The following AVEN variants were observed in gnomAD, a reference collection of about 807,000 sequenced individuals.
AVEN encodes the protein apoptosis and caspase activation inhibitor.
AVEN carries 41 observed loss-of-function variants against 38.1 expected under a neutral mutation model. The ratio of observed to expected loss-of-function variants is 1.08; its 90% CI spans 0.84 to 1.40. AVEN has a LOEUF of 1.40. AVEN is among the 40% of genes most tolerant of loss of function. The probability of loss-of-function intolerance (pLI) is 0.00; values close to 1 mark genes in which losing one functional copy is unlikely to be tolerated. For missense variants in AVEN, 605 were observed against 438.8 expected (o/e 1.38, Z -3.38); for synonymous variants, 206 against 171.8 (o/e 1.20, Z -1.56).
At chr15:33,940,119 G>C (rs1027648584) in intron 2 of AVEN, among the ~76,000 whole-genome samples, 1 of 152,164 alleles carries the variant, frequency 6.6e-6, no homozygotes, top group African/African-American at 2.4e-5. Context: ...GCAGAATTAT[G>C]AGAAATAAAT....
rs141410728 is a variant in AVEN, at chr15:33,876,102, C to T, written c.446-107G>A. Reference sequence around the variant, plus strand: ...GTGCCATTTCTGAAGTGCTCAAACTCAAAGGGAGAGGCAAGGATAAAACTG... The same window carrying T: ...GTGCCATTTCTGAAGTGCTCAAACTTAAAGGGAGAGGCAAGGATAAAACTG... On this transcript the variant is annotated intron_variant, in intron 2 of 5. Transcript: ENST00000306730. 79 of 976,666 alleles carry T rather than the reference C, an allele frequency of 8.1e-5. No individual in the cohort carries two copies. The African/African-American group carries it at 1.1e-3, about 14-fold the overall frequency. 60.5% of individuals were successfully genotyped at this position (976,666 alleles called of 1,614,324 possible).
chr15:33,991,316 A>T (rs959532440), intron 2 of AVEN: 8 of 152,342 alleles, frequency 5.3e-5, no homozygotes, highest in Admixed American at 2.0e-4. Context: ...GAAGCAAAAC[A>T]AAGTATAAAC....
In AVEN at chr15:33,918,127, T is replaced by A. The variant is rs150985691; in HGVS notation, c.446-42132A>T. On this transcript the variant is annotated intron_variant, in intron 2 of 5. Coordinates refer to ENST00000306730, the MANE Select transcript of AVEN (RefSeq NM_020371.3). ...TTTTATTTTGTTTCATAATGAAATATGCAACAAAGACAAAAATAAGTTGTT... is the reference window on the plus strand; with the variant it reads ...TTTTATTTTGTTTCATAATGAAATAAGCAACAAAGACAAAAATAAGTTGTT... Among the ~76,000 whole-genome samples the A allele has an allele frequency of 1.9e-3, 288 of 152,282 alleles. 3 individuals carry two copies. The highest frequency in any genetic ancestry group is 0.011 in the East Asian group (56 of 5,186).
chr15:34,009,238 C>T (rs1897527674), intron 1 of AVEN, among the ~76,000 whole-genome samples: 1 of 152,022 alleles, frequency 6.6e-6, no homozygotes, highest in Non-Finnish European at 1.5e-5. Context: ...CTCTAACAGG[C>T]CCACCTTACA....
At chr15:33,938,505 C>A (rs1171219582) in intron 2 of AVEN, among the ~76,000 whole-genome samples, 1 of 152,020 alleles carries the variant, frequency 6.6e-6, no homozygotes, top group Non-Finnish European at 1.5e-5. Flanking sequence ...CTATGTTCAA[C>A]AACAGACACC....
At chr15:33,874,366 C>A (rs373650159) in intron 3 of AVEN, among the ~76,000 whole-genome samples, 1 of 152,226 alleles carries the variant, frequency 6.6e-6, no homozygotes, top group African/African-American at 2.4e-5. Flanking sequence ...GAGGCCTCCT[C>A]CTCTGGGAAT....
chr15:34,020,576 A>C (rs1898160641), intron 1 of AVEN, among the ~76,000 whole-genome samples: 1 of 152,178 alleles, frequency 6.6e-6, no homozygotes, highest in African/African-American at 2.4e-5. Flanking sequence ...ACAATTCTGA[A>C]ATGGATTTCA....
At chr15:33,935,318 T>G (rs1436517896) in intron 2 of AVEN, among the ~76,000 whole-genome samples, 2 of 152,208 alleles carry the variant, frequency 1.3e-5, no homozygotes, top group African/African-American at 2.4e-5. Flanking sequence ...TAGTTGAAGA[T>G]GTATATACAT....
At chr15:33,868,180 A>T (rs1359556820) in intron 4 of AVEN, among the ~76,000 whole-genome samples, 1 of 152,192 alleles carries the variant, frequency 6.6e-6, no homozygotes, top group Non-Finnish European at 1.5e-5. Flanking sequence ...CCATAGGTCT[A>T]TTTGGCTTTA....
At chr15:33,860,483 CT>C (rs1305023586) in intron 11 of AVEN, 11 of 595,764 alleles carry the variant, frequency 1.8e-5, no homozygotes, top group South Asian at 3.2e-5. Context: ...TCTAATTTTG[CT>C]TTGATAATTC....
intron 2 of AVEN, among the ~76,000 whole-genome samples, chr15:33,898,907 G>A (rs16958281): frequency 0.06 from 9,176 of 152,238 alleles, 366 homozygotes; most frequent in African/African-American, 0.095. Context: ...TCCTGAAGAG[G>A]AGTATAATTT....
intron 2 of AVEN, chr15:34,067,009 A>AATT (rs1900529142): frequency 6.6e-6 from 1 of 152,146 alleles, no homozygotes; most frequent in Non-Finnish European, 1.5e-5. Context: ...TGTAAACTAC[A>AATT]GGGACCTGAT....
At chr15:33,857,850 G>A (rs1215760658), downstream of AVEN, 3 of 1,614,102 alleles carry the variant, frequency 1.9e-6, no homozygotes, top group Non-Finnish European at 1.7e-6. Context: ...AACTTCTTCC[G>A]CAAGTTCTAC....
intron 5 of AVEN, among the ~76,000 whole-genome samples, chr15:34,051,152 G>A (rs2140826370): frequency 6.6e-6 from 1 of 152,268 alleles, no homozygotes; most frequent in East Asian, 1.9e-4. Flanking sequence ...TAGTCTGTCA[G>A]ACCACAGCGC....
chr15:33,899,510 T>C (rs1405029395), intron 2 of AVEN, among the ~76,000 whole-genome samples: 2 of 133,078 alleles, frequency 1.5e-5, no homozygotes, highest in East Asian at 2.4e-4. Context: ...TGCTCTGTCA[T>C]CCAGGCTGGA....
rs78099772 is a variant in AVEN at position 33,878,283 on chromosome 15, A to G, written c.446-2288T>C. On this transcript the variant is annotated intron_variant, in intron 2 of 5. Coordinates refer to ENST00000306730, the MANE Select transcript of AVEN (RefSeq NM_020371.3). ...CTTATTGATTATAAAAATGTATTCA[A>G]AAGTCTCAATAAATAAAATGGATAG... is the stretch of plus-strand genomic sequence containing the variant. 5.9e-4 allele frequency among the ~76,000 whole-genome samples: 90 copies of G among 152,264 alleles called. 2 individuals carry two copies. The East Asian group carries it at 0.015, about 25-fold the overall frequency.
chr15:33,961,601 CAGG>C (rs1895170284), intron 2 of AVEN, among the ~76,000 whole-genome samples: 1 of 151,602 alleles, frequency 6.6e-6, no homozygotes. Context: ...ATCACGAGGT[CAGG>C]AGATCGAGAC....
intron 5 of AVEN, among the ~76,000 whole-genome samples, chr15:34,058,973 T>C (rs535684921): frequency 4.6e-5 from 7 of 152,300 alleles, no homozygotes; most frequent in Admixed American, 1.3e-4. Flanking sequence ...CTTGGCTCAC[T>C]GCAACCTCCA....
chr15:34,038,448 C>A (rs1327563272), intron 1 of AVEN, among the ~76,000 whole-genome samples: 1 of 152,194 alleles, frequency 6.6e-6, no homozygotes, highest in African/African-American at 2.4e-5. Context: ...ACAGCCCAGC[C>A]GGCCCACGGG....
Sources: gnomAD v4.1 joint callset for allele counts (sites outside exome capture counted in the v4.1 genomes callset) on GRCh38, gnomAD v4.1.1 for gene constraint, MANE v1.5 for transcripts, NCBI Gene and HGNC (gene_info 2026-07-23, HGNC 2026-07-21) for gene names.